CLVS1: variants seen among roughly 807,000 people sequenced by gnomAD.
The protein encoded by CLVS1 is clavesin 1.
A neutral mutation model predicts 33.1 loss-of-function variants in CLVS1; 10 were observed. The observed-to-expected ratio is 0.30, with a 90% CI of 0.19 to 0.51. The LOEUF (loss-of-function observed/expected upper bound fraction) is 0.51. Among genes scored for constraint, CLVS1 ranks in the 20% least tolerant of loss-of-function variants. The probability of loss-of-function intolerance (pLI) is 0.97; values close to 1 mark genes in which losing one functional copy is unlikely to be tolerated. For synonymous variants in CLVS1, 163 were observed against 166.1 expected, an observed-to-expected ratio of 0.98 and a Z score of 0.14; for missense variants, 343 against 433.4, an observed-to-expected ratio of 0.79 and a Z score of 1.85.
At chr8:61,238,410 C>T (rs1808615398) in intron 2 of CLVS1, among the ~76,000 whole-genome samples, 1 of 151,928 alleles carries the variant, frequency 6.6e-6, no homozygotes, top group Non-Finnish European at 1.5e-5. Context: ...CCTTCCTTCC[C>T]TCCTTTTCTT....
At chr8:61,492,174 GA>G (rs1357978442) in intron 5 of CLVS1, among the ~76,000 whole-genome samples, 1 of 152,186 alleles carries the variant, frequency 6.6e-6, no homozygotes, top group Non-Finnish European at 1.5e-5. Context: ...CTATCCAATG[GA>G]AAAACGTGAG....
At chr8:61,184,396 C>G (rs1001485421) in intron 2 of CLVS1, among the ~76,000 whole-genome samples, 3 of 152,178 alleles carry the variant, frequency 2.0e-5, no homozygotes, top group African/African-American at 7.2e-5. Flanking sequence ...AATATATGTA[C>G]AAGAAAAAGA....
At chr8:61,185,920 T>A (rs1276522489) in intron 2 of CLVS1, among the ~76,000 whole-genome samples, 1 of 152,236 alleles carries the variant, frequency 6.6e-6, no homozygotes, top group East Asian at 1.9e-4. Flanking sequence ...CCGTTGGTAT[T>A]ACTGCCATGT....
intron 2 of CLVS1, among the ~76,000 whole-genome samples, chr8:61,184,743 G>T (rs1293874069): frequency 6.6e-6 from 1 of 152,204 alleles, no homozygotes; most frequent in African/African-American, 2.4e-5. Context: ...GGAGGATTTT[G>T]CACAGCTGGG....
At chr8:61,290,050 A>G (rs1809930042) in intron 1 of CLVS1, among the ~76,000 whole-genome samples, 1 of 152,054 alleles carries the variant, frequency 6.6e-6, no homozygotes. Flanking sequence ...GATTCTTAAA[A>G]CTCCCTTTTC....
chr8:60,985,872 G>A, the CLVS1 span, among the ~76,000 whole-genome samples: 3 of 151,546 alleles, frequency 2.0e-5, no homozygotes, highest in African/African-American at 7.3e-5. Context: ...GCAGGTAGCT[G>A]CACGTTTAGC....
chr8:61,377,387 A>G (rs1274632527), intron 3 of CLVS1: 1 of 152,244 alleles, frequency 6.6e-6, no homozygotes, highest in Non-Finnish European at 1.5e-5. Context: ...AGTAACTCAG[A>G]AAGGCAATGC....
At chr8:61,205,029 T>A (rs1807810980) in intron 2 of CLVS1, among the ~76,000 whole-genome samples, 1 of 152,196 alleles carries the variant, frequency 6.6e-6, no homozygotes. Flanking sequence ...GTGGGAAGAA[T>A]GGAAAAATCT....
At chr8:61,399,059 A>G (rs907336862) in intron 3 of CLVS1, among the ~76,000 whole-genome samples, 7 of 152,318 alleles carry the variant, frequency 4.6e-5, no homozygotes, top group South Asian at 2.1e-4. Flanking sequence ...TCCTTTGGGT[A>G]TATACCCAGT....
chr8:61,454,938 G>A (rs143879433), intron 4 of CLVS1, among the ~76,000 whole-genome samples: 42 of 152,270 alleles, frequency 2.8e-4, no homozygotes, highest in African/African-American at 8.2e-4. Context: ...AATCTAATGA[G>A]ACAGCTAATG....
intron 1 of CLVS1, among the ~76,000 whole-genome samples, chr8:61,128,390 G>C (rs956907702): frequency 6.6e-6 from 1 of 152,246 alleles, no homozygotes; most frequent in Non-Finnish European, 1.5e-5. Flanking sequence ...ACTGGCCACA[G>C]ATGGGTCTAT....
At position 61,293,436 on chromosome 8, in the gene CLVS1, G is replaced by C. The variant is rs1418254923; in HGVS notation, c.-152+5298G>C. 8.5e-5 allele frequency among the ~76,000 whole-genome samples: 13 copies of C among 152,140 alleles called. No homozygotes were observed. In the South Asian group the frequency reaches 2.7e-3, roughly 32 times the overall value. ...ATCCATCAGAAAAAAGACTCCTTCT[G>C]GTCAGCACCATGGAACATGTAACCA... On this transcript the variant is annotated intron_variant, in intron 1 of 5. Coordinates refer to ENST00000325897, the MANE Select transcript of CLVS1 (RefSeq NM_173519.3).
At chr8:61,339,997 TGAAA>T (rs540359006) in intron 2 of CLVS1, among the ~76,000 whole-genome samples, 3 of 50,626 alleles carry the variant, frequency 5.9e-5, no homozygotes, top group African/African-American at 2.5e-4. Flanking sequence ...AAAGAGAAAA[TGAAA>T]GAAAGGAAGA....
At chr8:61,453,636 G>C (rs919974838) in intron 3 of CLVS1, among the ~76,000 whole-genome samples, 2 of 152,104 alleles carry the variant, frequency 1.3e-5, no homozygotes, top group Non-Finnish European at 2.9e-5. Context: ...CATCTCCTAA[G>C]AGCCTTTGAA....
chr8:60,979,780 A>G, the CLVS1 span, among the ~76,000 whole-genome samples: 2 of 152,214 alleles, frequency 1.3e-5, no homozygotes, highest in African/African-American at 2.4e-5. Flanking sequence ...ATTTCTAGGG[A>G]GAGGTTGTCA....
chr8:61,032,311 A>C, the CLVS1 span, among the ~76,000 whole-genome samples: 1 of 152,184 alleles, frequency 6.6e-6, no homozygotes, highest in South Asian at 2.1e-4. Flanking sequence ...TGTGGTCTTC[A>C]TGATTGGAGC....
chr8:61,157,558 G>T (rs1806674783), intron 2 of CLVS1, among the ~76,000 whole-genome samples: 1 of 151,856 alleles, frequency 6.6e-6, no homozygotes, highest in South Asian at 2.1e-4. Flanking sequence ...AATTGTTTAG[G>T]CTATCACAAT....
intron 2 of CLVS1, among the ~76,000 whole-genome samples, chr8:61,248,830 G>A (rs1563461660): frequency 6.6e-6 from 1 of 152,070 alleles, no homozygotes; most frequent in Non-Finnish European, 1.5e-5. Context: ...ATCTGATTGT[G>A]TGATTTTATT....
At chr8:61,376,819 AACAT>A (rs750653656) in intron 3 of CLVS1, 40 bp downstream of exon 3, 1 of 1,510,772 alleles carries the variant, frequency 6.6e-7, no homozygotes, top group South Asian at 1.3e-5. Context: ...CATGTGTGGC[AACAT>A]ACTTTTTAAA....
Sources: allele counts gnomAD v4.1 joint callset (sites outside exome capture counted in the v4.1 genomes callset), GRCh38; gene constraint gnomAD v4.1.1; transcripts MANE v1.5; gene names NCBI Gene and HGNC (gene_info 2026-07-23, HGNC 2026-07-21).